MTMR2: variants seen among roughly 807,000 people sequenced by gnomAD.
MTMR2 encodes phosphatidylinositol-3,5-bisphosphate 3-phosphatase MTMR2.
A neutral mutation model predicts 86.9 loss-of-function variants in MTMR2; 55 were observed. That is an observed-to-expected ratio of 0.63 (90% CI 0.51 to 0.79). The LOEUF is 0.79. Among genes scored for constraint, MTMR2 ranks in the 30% least tolerant of loss-of-function variants. The pLI is 0.00. For missense variants in MTMR2, 659 were observed against 772.3 expected (o/e 0.85, Z 1.74); for synonymous variants, 241 against 266.8 (o/e 0.90, Z 0.94).
rs775473848 is a variant in MTMR2 at position 95,923,840 on chromosome 11, C to T, written c.80+35G>A. On this transcript the variant is annotated intron_variant, in intron 1 of 14. Coordinates refer to ENST00000346299, the MANE Select transcript of MTMR2 (RefSeq NM_016156.6). ...GTCCCCGGCCCCTCTCCATCCCCTT[C>T]GGACGCTGGGCGGGGCCCTGGGCGT... 3.3e-5 allele frequency: 51 copies of T among 1,539,030 alleles called. No individual in the cohort carries two copies. In the African/African-American group the frequency reaches 5.2e-4, roughly 16 times the overall value.
At chr11:95,913,554 T>G (rs1046292286) in intron 1 of MTMR2, among the ~76,000 whole-genome samples, 4 of 152,124 alleles carry the variant, frequency 2.6e-5, no homozygotes, top group African/African-American at 9.7e-5. Context: ...TTCACCAAGT[T>G]CACAGTTGAC....
At position 95,877,461 on chromosome 11, in the gene MTMR2, A is replaced by C. The variant is rs1306725322; in HGVS notation, c.186+10695T>G. Among the ~76,000 whole-genome samples the C allele has an allele frequency of 4.0e-5, 6 of 151,828 alleles. No individual in the cohort carries two copies. In the East Asian group the frequency reaches 1.2e-3, roughly 29 times the overall value. ...CACCATCCATGATTCAACAATAACA[A>C]AAAGGATGACTATCTAAAGAAGAAT... is the stretch of plus-strand genomic sequence containing the variant. On this transcript the variant is annotated intron_variant, in intron 2 of 14. Coordinates refer to ENST00000346299, the MANE Select transcript of MTMR2 (RefSeq NM_016156.6).
intron 2 of MTMR2, 66 bp downstream of exon 2, chr11:95,888,090 T>C (rs544125405): frequency 1.7e-6 from 2 of 1,160,816 alleles, no homozygotes; most frequent in Admixed American, 3.5e-5. Flanking sequence ...TTAGTTATAT[T>C]GATAGTGTTG....
chr11:95,862,510 T>A (rs955001736), intron 3 of MTMR2, 144 bp from the exon 4 acceptor site: 8 of 706,298 alleles, frequency 1.1e-5, no homozygotes, highest in Non-Finnish European at 2.0e-5. Context: ...CTCAGAATCC[T>A]ACAACCCAAG....
chr11:95,854,866 T>G (rs1208870703), intron 7 of MTMR2, among the ~76,000 whole-genome samples: 1 of 152,058 alleles, frequency 6.6e-6, no homozygotes, highest in African/African-American at 2.4e-5. Context: ...TGGAGTGCAG[T>G]GGCATGCTCA....
Position 95,889,133 on chromosome 11 carries a change from C to CTT in MTMR2, c.81-874_81-873dup, listed in dbSNP as rs374185094. ...TTTACTTTCTTAAATTCCTATAGAA[C>CTT]TTTTTTTTTTTTTTTCTGAGACAGA... On this transcript the variant is annotated intron_variant, in intron 1 of 14. Transcript: ENST00000346299. Among the ~76,000 whole-genome samples, 477 of 143,558 alleles carry CTT rather than the reference C, an allele frequency of 3.3e-3. 1 individual carries two copies. Among genetic ancestry groups the CTT allele is most frequent in the Non-Finnish European group, 3.8e-3 (252 of 65,596 alleles). 94.2% of individuals were successfully genotyped at this position (143,558 alleles called of 152,430 possible).
intron 5 of MTMR2, among the ~76,000 whole-genome samples, chr11:95,860,962 C>A (rs1864396244): frequency 1.3e-5 from 2 of 151,958 alleles, no homozygotes; most frequent in Non-Finnish European, 2.9e-5. Context: ...TTGGGACCAT[C>A]CTGGCTAACA....
At chr11:95,847,543 CCAATT>C (rs1863842264) in intron 10 of MTMR2, among the ~76,000 whole-genome samples, 166 bp downstream of exon 10, 2 of 152,122 alleles carry the variant, frequency 1.3e-5, no homozygotes, top group Non-Finnish European at 2.9e-5. Context: ...ATATAAAAAA[CCAATT>C]CATTCAAACA....
At chr11:95,905,331 G>GCGCGCGCGCGCGCGCGCGCA (rs928252045) in intron 1 of MTMR2, among the ~76,000 whole-genome samples, 1 of 147,992 alleles carries the variant, frequency 6.8e-6, no homozygotes, top group African/African-American at 2.5e-5. Context: ...ACGCACCTGC[G>GCGCGCGCGCGCGCGCGCGCA]CACACACACA....
chr11:95,904,023 G>A (rs1320449281), intron 1 of MTMR2, among the ~76,000 whole-genome samples: 1 of 152,132 alleles, frequency 6.6e-6, no homozygotes, highest in Non-Finnish European at 1.5e-5. Flanking sequence ...GCTGAGGCAG[G>A]AGAATCACTT....
At chr11:95,919,348 C>G (rs1866826345) in intron 1 of MTMR2, among the ~76,000 whole-genome samples, 1 of 151,978 alleles carries the variant, frequency 6.6e-6, no homozygotes, top group Non-Finnish European at 1.5e-5. Flanking sequence ...TAGTTGAGAA[C>G]TACTTTGAGT....
chr11:95,852,384 A>T (rs1426659042), intron 7 of MTMR2, among the ~76,000 whole-genome samples: 1 of 152,232 alleles, frequency 6.6e-6, no homozygotes, highest in Non-Finnish European at 1.5e-5. Flanking sequence ...TAAAAATCTC[A>T]AAGAGCAGAA....
intron 1 of MTMR2, among the ~76,000 whole-genome samples, chr11:95,922,351 T>C (rs1866958688): frequency 3.9e-5 from 6 of 152,238 alleles, no homozygotes; most frequent in Admixed American, 3.3e-4. Flanking sequence ...TTCTGAGGCA[T>C]AGTTGTCATT....
At chr11:95,844,768 C>T (rs1316030261) in intron 11 of MTMR2, among the ~76,000 whole-genome samples, 185 bp downstream of exon 11, 2 of 152,182 alleles carry the variant, frequency 1.3e-5, no homozygotes, top group East Asian at 1.9e-4. Context: ...TGACAAATAG[C>T]TAGCTCTGAC....
chr11:95,864,324 T>C (rs1413317662), intron 3 of MTMR2, among the ~76,000 whole-genome samples: 1 of 152,106 alleles, frequency 6.6e-6, no homozygotes, highest in Non-Finnish European at 1.5e-5. Context: ...GTGTTGCTAT[T>C]AAAGGAAGAA....
At chr11:95,899,636 T>TAAAA (rs10654504) in intron 1 of MTMR2, among the ~76,000 whole-genome samples, 32 of 147,518 alleles carry the variant, frequency 2.2e-4, no homozygotes, top group African/African-American at 5.0e-4. Context: ...TAAGAATGGT[T>TAAAA]AAAAAAAAAA....
intron 11 of MTMR2, among the ~76,000 whole-genome samples, chr11:95,844,135 T>A (rs561146631): frequency 6.6e-6 from 1 of 152,278 alleles, no homozygotes; most frequent in South Asian, 2.1e-4. Context: ...AATGTTTGAT[T>A]TTGAACACAT....
At chr11:95,860,080 T>G (rs1864352617) in intron 5 of MTMR2, among the ~76,000 whole-genome samples, 1 of 152,212 alleles carries the variant, frequency 6.6e-6, no homozygotes. Context: ...GATTCAAAAT[T>G]ATCTTCTTTC....
intron 12 of MTMR2, among the ~76,000 whole-genome samples, chr11:95,841,126 C>G (rs1030490685): frequency 2.6e-5 from 4 of 152,034 alleles, no homozygotes; most frequent in Non-Finnish European, 5.9e-5. Context: ...ATAGCTCTCT[C>G]TATGCCAAAA....
Sources: gnomAD v4.1 joint callset for allele counts (sites outside exome capture counted in the v4.1 genomes callset) on GRCh38, gnomAD v4.1.1 for gene constraint, MANE v1.5 for transcripts, NCBI Gene and HGNC (gene_info 2026-07-23, HGNC 2026-07-21) for gene names.